KANSL1: variants seen among roughly 807,000 people sequenced by gnomAD.
KANSL1 encodes MLL1/MLL complex subunit KANSL1.
A neutral mutation model predicts 103.6 loss-of-function variants in KANSL1; 22 were observed. The observed-to-expected ratio is 0.21, with a 90% CI of 0.15 to 0.30. The LOEUF (loss-of-function observed/expected upper bound fraction) is 0.30. Among genes scored for constraint, KANSL1 ranks in the 10% least tolerant of loss-of-function variants. The pLI, the probability that KANSL1 is intolerant of heterozygous loss-of-function variation, is 1.00. For synonymous variants in KANSL1, 600 were observed against 527.6 expected (o/e 1.14, Z -1.88); for missense variants, 1,337 against 1,399.8 (o/e 0.96, Z 0.72).
intron 2 of KANSL1, among the ~76,000 whole-genome samples, chr17:46,109,603 A>G (rs763638365): frequency 1.4e-4 from 22 of 152,258 alleles, no homozygotes; most frequent in Non-Finnish European, 2.6e-4. Flanking sequence ...GTTTTCAGTT[A>G]AAGAATGACT....
intron 10 of KANSL1, 157 bp from the exon 11 acceptor site, chr17:46,034,442 GTCTCC>G: frequency 1.5e-6 from 1 of 679,514 alleles, no homozygotes; most frequent in Non-Finnish European, 2.4e-6. Flanking sequence ...CTAGGAGTCA[GTCTCC>G]AACAGCAAAA....
rs62060947 is a variant in KANSL1, at chr17:46,192,556, T to C, written c.-90+267A>G. The C allele has an allele frequency of 0.12, 17,397 of 151,204 alleles. No homozygotes were observed. Among genetic ancestry groups the C allele is most frequent in the Non-Finnish European group, 0.17 (11,717 of 67,028 alleles). 9.4% of individuals were successfully genotyped at this position (151,204 alleles called of 1,614,324 possible). A position where few individuals can be genotyped will look rare whatever the true frequency, so the allele number is the denominator to read the frequency against. ...ATGTTCTTCAGGCCGCCTTTTTAAATAGAACGCCAAAGGAAAAGCTGGCGA... is the reference window on the plus strand; with the variant it reads ...ATGTTCTTCAGGCCGCCTTTTTAAACAGAACGCCAAAGGAAAAGCTGGCGA... On this transcript the variant is annotated intron_variant, in intron 1 of 14. Coordinates refer to ENST00000432791, the MANE Select transcript of KANSL1 (RefSeq NM_015443.4).
chr17:46,136,555 A>C (rs2696605), intron 2 of KANSL1, among the ~76,000 whole-genome samples: 21,965 of 152,224 alleles, frequency 0.14, 2,137 homozygotes, highest in Non-Finnish European at 0.22. Context: ...ACATGACATA[A>C]ACACATTAGG....
chr17:46,097,851 G>A (rs2042151010), intron 2 of KANSL1, among the ~76,000 whole-genome samples: 1 of 149,678 alleles, frequency 6.7e-6, no homozygotes, highest in South Asian at 2.1e-4. Context: ...CCACGACAGA[G>A]TAAGACATGA....
At chr17:46,072,583 C>T (rs568401052) in intron 4 of KANSL1, among the ~76,000 whole-genome samples, 1 of 152,218 alleles carries the variant, frequency 6.6e-6, no homozygotes, top group East Asian at 1.9e-4. Flanking sequence ...TTAAATTCAC[C>T]AAAATATTGC....
At chr17:46,085,683 G>T (rs1255084712) in intron 3 of KANSL1, among the ~76,000 whole-genome samples, 1 of 151,986 alleles carries the variant, frequency 6.6e-6, no homozygotes, top group Admixed American at 6.6e-5. Context: ...GTAGAGATGG[G>T]GTTTCACCAA....
intron 1 of KANSL1, among the ~76,000 whole-genome samples, chr17:46,205,497 C>T (rs1438912651): frequency 3.3e-5 from 5 of 151,568 alleles, no homozygotes; most frequent in Admixed American, 6.6e-5. Context: ...GCCTAGCCAA[C>T]GTGGTGAAAC....
chr17:46,120,229 G>C (rs1215165318), intron 2 of KANSL1, among the ~76,000 whole-genome samples: 1 of 152,168 alleles, frequency 6.6e-6, no homozygotes, highest in Non-Finnish European at 1.5e-5. Flanking sequence ...TTAAACTGTT[G>C]AGGTATATCA....
intron 3 of KANSL1, among the ~76,000 whole-genome samples, chr17:46,084,697 T>TA (rs67108405): frequency 0.029 from 2,138 of 74,532 alleles, 112 homozygotes; most frequent in African/African-American, 0.081. Context: ...TTTTAAAAAT[T>TA]AAAAAAAAAA....
At chr17:46,185,692 TACACACACACACACACACAC>T (rs58833932) in intron 1 of KANSL1, among the ~76,000 whole-genome samples, 11 of 144,410 alleles carry the variant, frequency 7.6e-5, no homozygotes, top group African/African-American at 2.4e-4. Flanking sequence ...CACACATATA[TACACACACACACACACACAC>T]ACACACACAC....
chr17:46,196,559 T>C, upstream of KANSL1: 1 of 395,030 alleles, frequency 2.5e-6, no homozygotes, highest in Admixed American at 3.2e-5. Flanking sequence ...GAATAGAGAG[T>C]TGGTCCTTGG....
rs750288937 is a variant in KANSL1, at chr17:46,032,183, T to C, written c.2954A>G (p.His985Arg). The C allele has an allele frequency of 1.2e-6, 2 of 1,611,974 alleles. No homozygotes were observed. The highest frequency in any genetic ancestry group is 1.7e-6 in the Non-Finnish European group (2 of 1,178,662). Residue 985 changes from histidine (H) to arginine (R), a missense_variant, in exon 14 of 15, where the codon CAT becomes CGT. Around this residue, in one of 2 missense-constraint regions of KANSL1, gnomAD observed 780 missense variants for 923.4 expected, o/e 0.84. Coordinates refer to ENST00000432791, the MANE Select transcript of KANSL1 (RefSeq NM_015443.4). ...AATGGGGCTCCTAGGGGACTGACCA[T>C]GGGAGTATTCTGACAAAGAGTGGCT... ...SSSHSLSEYSHGQSPRSPISP... is the reference protein window; with the variant it reads ...SSSHSLSEYSRGQSPRSPISP...
intron 2 of KANSL1, among the ~76,000 whole-genome samples, chr17:46,102,060 T>C (rs1198157267): frequency 6.6e-6 from 1 of 152,188 alleles, no homozygotes; most frequent in African/African-American, 2.4e-5. Context: ...ATGGAGGGGA[T>C]AAAGCACAAG....
intron 2 of KANSL1, among the ~76,000 whole-genome samples, chr17:46,139,622 T>C (rs1438302373): frequency 2.6e-5 from 4 of 152,248 alleles, no homozygotes; most frequent in Non-Finnish European, 5.9e-5. Context: ...TACTAAGCCT[T>C]GTGACCTCGG....
chr17:46,031,503 GGCT>G lies in KANSL1; in HGVS notation c.3288_3290del (p.Ala1097del), dbSNP rs764865498. 2 of 1,613,054 alleles carry G rather than the reference GGCT, an allele frequency of 1.2e-6. No homozygotes were observed. Among genetic ancestry groups the G allele is most frequent in the South Asian group, 2.2e-5 (2 of 90,928 alleles). ...ATCTGTGAGTCGGGCGCTGAGCTGTGGCTGCTGCCACCAGATGCCGACTCTTGA... is the reference window on the plus strand; with the variant it reads ...ATCTGTGAGTCGGGCGCTGAGCTGTGGCTGCCACCAGATGCCGACTCTTGA... On this transcript the variant is annotated inframe_deletion, in exon 15 of 15. Transcript: ENST00000432791.
chr17:46,069,470 T>C (rs2078498656), intron 4 of KANSL1, among the ~76,000 whole-genome samples: 1 of 152,096 alleles, frequency 6.6e-6, no homozygotes. Context: ...TGAGGCTGGG[T>C]GTGGTGGCTC....
chr17:46,046,585 C>T (rs1482094286), intron 7 of KANSL1, among the ~76,000 whole-genome samples: 2 of 138,140 alleles, frequency 1.4e-5, no homozygotes, highest in Non-Finnish European at 3.1e-5. Context: ...TGCTTGTAAT[C>T]CCAGCACTTT....
intron 1 of KANSL1, among the ~76,000 whole-genome samples, chr17:46,214,671 A>T (rs2048285438): frequency 1.3e-5 from 2 of 152,218 alleles, no homozygotes; most frequent in African/African-American, 4.8e-5. Context: ...AAAAAGAAAC[A>T]AAAACAGCAA....
At chr17:46,106,021 C>G (rs1431672774) in intron 2 of KANSL1, among the ~76,000 whole-genome samples, 2 of 152,184 alleles carry the variant, frequency 1.3e-5, no homozygotes, top group Non-Finnish European at 2.9e-5. Context: ...CCTACTACCC[C>G]AGTCCCACAT....
Sources: gnomAD v4.1 joint callset for allele counts (sites outside exome capture counted in the v4.1 genomes callset) on GRCh38, gnomAD v4.1.1 for gene constraint, gnomAD v4.1.1 regional missense constraint, MANE v1.5 for transcripts, NCBI Gene and HGNC (gene_info 2026-07-23, HGNC 2026-07-21) for gene names.